TBC1D12: variants seen among roughly 807,000 people sequenced by gnomAD.
TBC1D12 encodes the protein TBC1 domain family member 12, also known as TBC1 domain family, member 12.
Under a neutral mutation model 86.7 loss-of-function variants are expected in TBC1D12, and 56 were observed. The observed-to-expected ratio is 0.65, with a 90% CI of 0.52 to 0.81. TBC1D12 has a LOEUF of 0.81. Among genes scored for constraint, TBC1D12 ranks in the 30% least tolerant of loss-of-function variants. The pLI is 0.00. For missense variants in TBC1D12, 1,023 were observed against 1,038.8 expected (o/e 0.98, Z 0.21); for synonymous variants, 421 against 411.7 (o/e 1.02, Z -0.27).
chr10:94,410,455 G>C (rs1457665619), intron 1 of TBC1D12, among the ~76,000 whole-genome samples: 1 of 151,980 alleles, frequency 6.6e-6, no homozygotes, highest in East Asian at 1.9e-4. Flanking sequence ...TGCCCAGGCT[G>C]GTGTCGAACT....
chr10:94,527,709 G>T (rs1293928107), intron 11 of TBC1D12, among the ~76,000 whole-genome samples: 1 of 151,984 alleles, frequency 6.6e-6, no homozygotes, highest in Non-Finnish European at 1.5e-5. Context: ...TTACATTTAG[G>T]TCTTTGATCC....
At chr10:94,478,873 C>A (rs2056034280) in intron 3 of TBC1D12, among the ~76,000 whole-genome samples, 1 of 152,090 alleles carries the variant, frequency 6.6e-6, no homozygotes, top group Admixed American at 6.6e-5. Flanking sequence ...AGGAGAATCG[C>A]TTGAACACGG....
At chr10:94,458,713 C>T (rs2055668702) in intron 2 of TBC1D12, among the ~76,000 whole-genome samples, 1 of 152,140 alleles carries the variant, frequency 6.6e-6, no homozygotes, top group African/African-American at 2.4e-5. Context: ...AGGGGTGAAG[C>T]TGTAGACCTT....
intron 6 of TBC1D12, among the ~76,000 whole-genome samples, chr10:94,501,863 A>C (rs552365399): frequency 4.2e-4 from 63 of 151,196 alleles, no homozygotes; most frequent in South Asian, 1.7e-3. Context: ...AGTAGTTTTG[A>C]TGAGTTTTTA....
chr10:94,470,377 A>T (rs2055885771), intron 2 of TBC1D12, among the ~76,000 whole-genome samples: 1 of 151,948 alleles, frequency 6.6e-6, no homozygotes, highest in Admixed American at 6.6e-5. Flanking sequence ...TATTATTATT[A>T]TTTTTGAGAG....
At chr10:94,516,372 A>C (rs2056591599) in intron 9 of TBC1D12, among the ~76,000 whole-genome samples, 1 of 152,062 alleles carries the variant, frequency 6.6e-6, no homozygotes, top group African/African-American at 2.4e-5. Context: ...AAACAAAACA[A>C]ATTTATTTTT....
chr10:94,429,923 A>G (rs541520411), intron 1 of TBC1D12, among the ~76,000 whole-genome samples: 1 of 152,112 alleles, frequency 6.6e-6, no homozygotes, highest in South Asian at 2.1e-4. Flanking sequence ...GTTTGTAGAG[A>G]TGGGGTTTTG....
chr10:94,497,823 T>A (rs1286688697), intron 5 of TBC1D12, among the ~76,000 whole-genome samples: 1 of 128,330 alleles, frequency 7.8e-6, no homozygotes, highest in Non-Finnish European at 1.8e-5. Flanking sequence ...TGTGTTTTCT[T>A]TTTTTTTTTT....
chr10:94,476,115 T>C (rs2055984441), intron 3 of TBC1D12, among the ~76,000 whole-genome samples: 1 of 151,846 alleles, frequency 6.6e-6, no homozygotes, highest in Non-Finnish European at 1.5e-5. Context: ...AAAGAATTCT[T>C]TCTCTCTCTC....
chr10:94,445,841 G>A (rs1252811296), intron 2 of TBC1D12, among the ~76,000 whole-genome samples: 3 of 151,916 alleles, frequency 2.0e-5, no homozygotes, highest in Admixed American at 6.6e-5. Context: ...CCAGCTGCTC[G>A]GAAGGCTGAG....
intron 11 of TBC1D12, among the ~76,000 whole-genome samples, chr10:94,527,501 T>G (rs10882472): frequency 0.49 from 52,341 of 106,532 alleles, 9,672 homozygotes; most frequent in East Asian, 0.7. Flanking sequence ...TTCTGTGGGG[T>G]TTTTTTTTTT....
intron 2 of TBC1D12, among the ~76,000 whole-genome samples, chr10:94,465,981 CAT>C (rs925593209): frequency 4.0e-5 from 6 of 150,906 alleles, no homozygotes; most frequent in African/African-American, 4.9e-5. Flanking sequence ...TATATATACA[CAT>C]ATATATGAAG....
At position 94,532,890 on chromosome 10, in the gene TBC1D12, G is replaced by A. The variant is rs75561893; in HGVS notation, c.2260-138G>A. On this transcript the variant is annotated intron_variant, in intron 12 of 12. Transcript: ENST00000225235. ...TTCATGATTAGAAAAAAATAAAGGG[G>A]ATTTGAGAATGACACACTTTCGGGG... 1.9e-3 allele frequency: 933 copies of A among 502,618 alleles called. 10 individuals are homozygous for A. The East Asian group carries it at 0.029, about 15-fold the overall frequency. The allele number at this position is 502,618 out of a possible 1,614,324, so 31.1% of individuals were successfully genotyped here.
At chr10:94,486,616 T>C (rs1177761335) in intron 3 of TBC1D12, among the ~76,000 whole-genome samples, 4 of 152,212 alleles carry the variant, frequency 2.6e-5, no homozygotes, top group Non-Finnish European at 5.9e-5. Context: ...GTTTACAAAA[T>C]TCCTCTTGTT....
intron 5 of TBC1D12, among the ~76,000 whole-genome samples, chr10:94,499,752 C>T (rs2056370628): frequency 6.6e-6 from 1 of 152,244 alleles, no homozygotes; most frequent in African/African-American, 2.4e-5. Flanking sequence ...AAGTGATTTG[C>T]CCAAGGTTAT....
At chr10:94,501,331 C>G (rs947201734) in intron 6 of TBC1D12, 1 of 150,306 alleles carries the variant, frequency 6.7e-6, no homozygotes, top group Admixed American at 6.7e-5. Flanking sequence ...TGCTGGGAGG[C>G]TGAGGCAGGA....
chr10:94,431,061 G>A (rs2055208762), intron 1 of TBC1D12, among the ~76,000 whole-genome samples: 1 of 152,008 alleles, frequency 6.6e-6, no homozygotes, highest in African/African-American at 2.4e-5. Context: ...GGGGAAAGAT[G>A]GATTAACACT....
At chr10:94,463,209 T>C (rs1248859069) in intron 2 of TBC1D12, among the ~76,000 whole-genome samples, 1 of 152,230 alleles carries the variant, frequency 6.6e-6, no homozygotes, top group Non-Finnish European at 1.5e-5. Flanking sequence ...AAATGATTAA[T>C]ATGGATGGTC....
intron 12 of TBC1D12, 30 bp from the exon 13 acceptor site, chr10:94,532,998 G>A: frequency 1.5e-6 from 2 of 1,299,158 alleles, no homozygotes; most frequent in Non-Finnish European, 2.2e-6. Context: ...TAGTTTTTGA[G>A]GATTAATCTT....
Sources: gnomAD v4.1 joint callset for allele counts (sites outside exome capture counted in the v4.1 genomes callset) on GRCh38, gnomAD v4.1.1 for gene constraint, MANE v1.5 for transcripts, NCBI Gene and HGNC (gene_info 2026-07-23, HGNC 2026-07-21) for gene names.